Variants in CSMD2 observed in about 807,000 individuals in gnomAD.
CSMD2 encodes the protein CUB and Sushi multiple domains 2, also known as CUB and sushi domain-containing protein 2.
A neutral mutation model predicts 398.5 loss-of-function variants in CSMD2; 130 were observed. That is an observed-to-expected ratio of 0.33 (90% CI 0.28 to 0.38). The LOEUF (loss-of-function observed/expected upper bound fraction) is 0.38. CSMD2 is among the 10% of genes least tolerant of loss of function. The pLI is 1.00. For synonymous variants in CSMD2, 1,828 were observed against 1,908.5 expected (o/e 0.96, Z 1.10); for missense variants, 3,829 against 4,764.9 (o/e 0.80, Z 5.78).
intron 51 of CSMD2, among the ~76,000 whole-genome samples, chr1:33,570,541 C>A (rs527320663): frequency 1.3e-5 from 2 of 152,242 alleles, no homozygotes; most frequent in African/African-American, 4.8e-5. Flanking sequence ...CCTTCTACCT[C>A]TTTACAATCA....
chr1:33,660,262 T>A (rs1644089093), intron 26 of CSMD2, among the ~76,000 whole-genome samples: 1 of 152,200 alleles, frequency 6.6e-6, no homozygotes, highest in East Asian at 1.9e-4. Context: ...TAAGAGCTGA[T>A]GTAGTGGAGA....
At chr1:33,969,737 A>G (rs1034977931) in intron 3 of CSMD2, among the ~76,000 whole-genome samples, 25 of 151,974 alleles carry the variant, frequency 1.6e-4, no homozygotes, top group Non-Finnish European at 4.4e-5. Context: ...GGCTCCTTAG[A>G]TGAATGAATG....
intron 25 of CSMD2, among the ~76,000 whole-genome samples, chr1:33,674,699 T>G (rs908477765): frequency 8.5e-5 from 13 of 152,180 alleles, no homozygotes; most frequent in Admixed American, 8.5e-4. Context: ...ATGGATCACA[T>G]AGTTGGAAGT....
chr1:33,692,813 C>T (rs2149098033), intron 25 of CSMD2, 117 bp downstream of exon 25: 2 of 1,303,576 alleles, frequency 1.5e-6, no homozygotes, highest in Non-Finnish European at 1.1e-6. Context: ...CTATTGATCA[C>T]AAGGTTCTCC....
intron 51 of CSMD2, 108 bp from the exon 52 acceptor site, chr1:33,569,655 G>C: frequency 1.8e-6 from 2 of 1,136,398 alleles, no homozygotes; most frequent in Non-Finnish European, 2.5e-6. Flanking sequence ...ACCTTACTCT[G>C]CTGGAATTCC....
Position 34,160,485 on chromosome 1 carries a change from G to C in CSMD2, c.187+4426C>G, listed in dbSNP as rs1571306170. 2.6e-5 allele frequency among the ~76,000 whole-genome samples: 4 copies of C among 152,132 alleles called. No homozygotes were observed. In the East Asian group the frequency reaches 7.7e-4, roughly 29 times the overall value. On this transcript the variant is annotated intron_variant, in intron 1 of 70. Coordinates refer to ENST00000373381, the MANE Select transcript of CSMD2 (RefSeq NM_001281956.2). ...CTTAGTTGTGGGGAAAGGAACAGGGGACCAGATGTCTTTGTCATCTTATTA... is the reference window on the plus strand; with the variant it reads ...CTTAGTTGTGGGGAAAGGAACAGGGCACCAGATGTCTTTGTCATCTTATTA...
At chr1:33,724,385 C>T in intron 18 of CSMD2, 72 bp from the exon 19 acceptor site, 1 of 1,485,980 alleles carries the variant, frequency 6.7e-7, no homozygotes, top group Non-Finnish European at 9.3e-7. Context: ...CCTCCTGGGA[C>T]CCCATCCCCC....
chr1:34,075,677 G>C (rs762103946), intron 2 of CSMD2, among the ~76,000 whole-genome samples: 1 of 152,132 alleles, frequency 6.6e-6, no homozygotes, highest in African/African-American at 2.4e-5. Context: ...CCAATATACG[G>C]GATGCAGTTT....
chr1:33,875,639 G>C (rs1052161232), intron 5 of CSMD2: 1 of 152,234 alleles, frequency 6.6e-6, no homozygotes, highest in African/African-American at 2.4e-5. Context: ...TAGTTAATTG[G>C]GGGAGGGTTC....
In CSMD2 at chr1:33,837,823, C is replaced by T. The variant is rs755131263; in HGVS notation, c.1033+9061G>A. Among the ~76,000 whole-genome samples the T allele has an allele frequency of 1.6e-4, 25 of 152,200 alleles. 1 individual carries two copies. Among genetic ancestry groups the T allele is most frequent in the Non-Finnish European group, 2.1e-4 (14 of 68,042 alleles). On this transcript the variant is annotated intron_variant, in intron 6 of 70. Coordinates refer to ENST00000373381, the MANE Select transcript of CSMD2 (RefSeq NM_001281956.2). ...TCTTACTAGGTACATTCATCTCCTC[C>T]GAATGATAATGACTACAGGAGACTG...
intron 22 of CSMD2, among the ~76,000 whole-genome samples, chr1:33,708,000 C>T (rs1237670527): frequency 6.6e-6 from 1 of 152,158 alleles, no homozygotes; most frequent in Non-Finnish European, 1.5e-5. Flanking sequence ...AATGAACATG[C>T]TTTGTATGAG....
chr1:33,934,604 G>A lies in CSMD2; in HGVS notation c.712+1156C>T, dbSNP rs774056438. 2.6e-5 allele frequency among the ~76,000 whole-genome samples: 4 copies of A among 152,294 alleles called. No individual in the cohort carries two copies. The South Asian group carries it at 6.2e-4, about 24-fold the overall frequency. ...TGTAATATATGCATATGTGCAATAC[G>A]TATTGGAAGAAGATGGAAAGGACAT... On this transcript the variant is annotated intron_variant, in intron 4 of 70. Coordinates refer to ENST00000373381, the MANE Select transcript of CSMD2 (RefSeq NM_001281956.2).
At chr1:33,617,088 A>G in intron 38 of CSMD2, 113 bp from the exon 39 acceptor site, 1 of 724,278 alleles carries the variant, frequency 1.4e-6, no homozygotes, top group Non-Finnish European at 2.4e-6. Context: ...GGAACAAGAT[A>G]CACAAAGACA....
intron 2 of CSMD2, among the ~76,000 whole-genome samples, chr1:34,051,305 G>A (rs1009477247): frequency 6.6e-6 from 1 of 152,162 alleles, no homozygotes; most frequent in African/African-American, 2.4e-5. Flanking sequence ...TGAAGACAAA[G>A]GGAATACAGA....
chr1:33,543,449 C>T (rs1016894450), intron 57 of CSMD2, among the ~76,000 whole-genome samples: 3 of 152,252 alleles, frequency 2.0e-5, no homozygotes, highest in Non-Finnish European at 4.4e-5. Context: ...GTAGTTCCTT[C>T]CTGTAATCAA....
At chr1:34,082,683 T>G (rs1432596978) in intron 2 of CSMD2, among the ~76,000 whole-genome samples, 4 of 152,330 alleles carry the variant, frequency 2.6e-5, no homozygotes, top group East Asian at 3.9e-4. Flanking sequence ...TGTCTGTGTA[T>G]AAAGAAGTAG....
At chr1:34,009,262 C>T (rs1325394233) in intron 3 of CSMD2, among the ~76,000 whole-genome samples, 1 of 151,940 alleles carries the variant, frequency 6.6e-6, no homozygotes, top group Non-Finnish European at 1.5e-5. Flanking sequence ...CTCCCCTTAT[C>T]ATTTTAATGT....
At chr1:33,552,218 C>T (rs1657519427) in intron 55 of CSMD2, among the ~76,000 whole-genome samples, 1 of 152,132 alleles carries the variant, frequency 6.6e-6, no homozygotes, top group African/African-American at 2.4e-5. Flanking sequence ...CACTTTGCAT[C>T]CACTAGGATG....
chr1:33,960,972 C>G (rs1645338767), intron 3 of CSMD2, among the ~76,000 whole-genome samples: 2 of 152,214 alleles, frequency 1.3e-5, no homozygotes, highest in Admixed American at 1.3e-4. Flanking sequence ...GCACAGACAA[C>G]CCCAGGCCAC....
Sources: allele counts gnomAD v4.1 joint callset (sites outside exome capture counted in the v4.1 genomes callset), GRCh38; gene constraint gnomAD v4.1.1; transcripts MANE v1.5; gene names NCBI Gene and HGNC (gene_info 2026-07-23, HGNC 2026-07-21).